The following CENPF variants were observed in gnomAD, a reference collection of about 807,000 sequenced individuals.
CENPF encodes AH antigen.
A neutral mutation model predicts 307.3 loss-of-function variants in CENPF; 214 were observed. The ratio of observed to expected loss-of-function variants is 0.70; its 90% CI spans 0.62 to 0.78. CENPF has a LOEUF of 0.78. Ranked by LOEUF, CENPF falls within the 30% of genes least tolerant of loss-of-function variation. The pLI is 0.00. For missense variants in CENPF, 3,401 were observed against 3,483.9 expected (o/e 0.98, Z 0.60); for synonymous variants, 1,259 against 1,270.6 (o/e 0.99, Z 0.19).
At chr1:214,607,956 C>T (rs957174952) in intron 1 of CENPF, among the ~76,000 whole-genome samples, 3 of 152,162 alleles carry the variant, frequency 2.0e-5, no homozygotes, top group Non-Finnish European at 2.9e-5. Flanking sequence ...CTGCCTCGGC[C>T]GATGGGGCCC....
At chr1:214,618,264 A>ATAT (rs1657412230) in intron 3 of CENPF, among the ~76,000 whole-genome samples, 1 of 152,184 alleles carries the variant, frequency 6.6e-6, no homozygotes, top group Non-Finnish European at 1.5e-5. Context: ...GGGTGGGAAC[A>ATAT]CAGCCAAACC....
chr1:214,644,739 G>A lies in CENPF; in HGVS notation c.5169G>A (p.Gly1723=), dbSNP rs760488025. Residue 1723 remains glycine (G), a synonymous_variant, in exon 13 of 20, where the codon GGG becomes GGA. Coordinates refer to ENST00000366955, the MANE Select transcript of CENPF (RefSeq NM_016343.4). ...GAVKPTGECS[G]EQSPDTNYEP... The stretch of plus-strand genomic sequence containing the variant: ...TGAAACCCACAGGAGAGTGCTCTGG[G>A]GAACAGTCCCCAGATACCAATTATG... 4 of 1,613,778 alleles carry A rather than the reference G, an allele frequency of 2.5e-6. No homozygotes were observed. The African/African-American group carries it at 4.0e-5, about 16-fold the overall frequency.
chr1:214,607,000 T>A (rs1314616267), intron 1 of CENPF, among the ~76,000 whole-genome samples: 1 of 152,024 alleles, frequency 6.6e-6, no homozygotes, highest in African/African-American at 2.4e-5. Flanking sequence ...AGCAGGGCTG[T>A]CCCCCTCCCT....
intron 12 of CENPF, 82 bp downstream of exon 12, chr1:214,643,406 A>G: frequency 8.4e-7 from 1 of 1,183,594 alleles, no homozygotes; most frequent in Non-Finnish European, 1.1e-6. Context: ...ATTGAAATGT[A>G]CATTAAACCT....
At chr1:214,622,044 A>G (rs765310733) in intron 6 of CENPF, 35 bp from the exon 7 acceptor site, 13 of 1,507,054 alleles carry the variant, frequency 8.6e-6, no homozygotes, top group East Asian at 2.3e-5. Context: ...AAAGATATAT[A>G]TGAATTGGAG....
Position 214,619,984 on chromosome 1 carries a change from C to T in CENPF, c.574-671C>T, listed in dbSNP as rs1657461372. Among the ~76,000 whole-genome samples the T allele has an allele frequency of 2.0e-5, 3 of 152,050 alleles. No homozygotes were observed. The South Asian group carries it at 6.2e-4, about 32-fold the overall frequency. ...ATCAATTCTTCTCTTGACATTGATT[C>T]CTAGAGATGTTTTATGGAAAATTTG... On this transcript the variant is annotated intron_variant, in intron 5 of 19. Coordinates refer to ENST00000366955, the MANE Select transcript of CENPF (RefSeq NM_016343.4).
At chr1:214,639,072 C>G (rs1658036265) in intron 11 of CENPF, among the ~76,000 whole-genome samples, 1 of 152,196 alleles carries the variant, frequency 6.6e-6, no homozygotes, top group South Asian at 2.1e-4. Flanking sequence ...GTACTGCTTT[C>G]CACTTGATAT....
At chr1:214,610,397 G>A (rs948926195) in intron 1 of CENPF, among the ~76,000 whole-genome samples, 1 of 150,430 alleles carries the variant, frequency 6.6e-6, no homozygotes, top group African/African-American at 2.4e-5. Context: ...GGTGTGAGAT[G>A]GTATTTCATT....
intron 5 of CENPF, 80 bp downstream of exon 5, chr1:214,619,300 A>G: frequency 4.0e-6 from 3 of 753,830 alleles, no homozygotes; most frequent in Non-Finnish European, 6.5e-6. Flanking sequence ...TTAGAGAAAA[A>G]TCTGTTTTAC....
chr1:214,609,107 G>A (rs1657128141), intron 1 of CENPF, among the ~76,000 whole-genome samples: 1 of 151,714 alleles, frequency 6.6e-6, no homozygotes, highest in South Asian at 2.1e-4. Context: ...TGGGCCCCAG[G>A]GCCGCACTCC....
intron 12 of CENPF, among the ~76,000 whole-genome samples, chr1:214,644,042 T>G (rs1344928863): frequency 6.6e-6 from 1 of 152,200 alleles, no homozygotes; most frequent in African/African-American, 2.4e-5. Flanking sequence ...ATCCCCAGTT[T>G]ACAGATGAGA....
chr1:214,613,589 T>C (rs1259403841), intron 1 of CENPF, 125 bp from the exon 2 acceptor site: 79 of 630,410 alleles, frequency 1.3e-4, no homozygotes. Flanking sequence ...GGTATTATAC[T>C]TTGTTATCTT....
At chr1:214,623,698 C>A (rs2102541527) in intron 7 of CENPF, among the ~76,000 whole-genome samples, 1 of 152,094 alleles carries the variant, frequency 6.6e-6, no homozygotes, top group East Asian at 1.9e-4. Context: ...AGGCACTGTT[C>A]CAGACCTGGG....
At chr1:214,632,727 C>A in intron 10 of CENPF, 125 bp downstream of exon 10, 1 of 1,115,172 alleles carries the variant, frequency 9.0e-7, no homozygotes, top group Non-Finnish European at 1.3e-6. Context: ...TTCTATTCAC[C>A]AGAAGTAAGT....
At chr1:214,606,324 C>T (rs1440968984) in intron 1 of CENPF, among the ~76,000 whole-genome samples, 3 of 152,146 alleles carry the variant, frequency 2.0e-5, no homozygotes, top group Non-Finnish European at 4.4e-5. Flanking sequence ...CGTTTCCTAG[C>T]TAGGATCTGT....
chr1:214,648,176 A>AAGAGATGGCAGTCAGTAT (rs1227246383), intron 13 of CENPF, among the ~76,000 whole-genome samples: 1 of 152,182 alleles, frequency 6.6e-6, no homozygotes, highest in African/African-American at 2.4e-5. Flanking sequence ...GATACCTTGC[A>AAGAGATGGCAGTCAGTAT]AGAGATGGCA....
At chr1:214,638,854 T>A (rs1199412174) in intron 11 of CENPF, among the ~76,000 whole-genome samples, 3 of 152,188 alleles carry the variant, frequency 2.0e-5, no homozygotes, top group Non-Finnish European at 1.5e-5. Flanking sequence ...AGCTTTTAGT[T>A]TTTCCACAGC....
chr1:214,608,689 G>A, intron 1 of CENPF: 1 of 1,595,304 alleles, frequency 6.3e-7, no homozygotes, highest in South Asian at 1.1e-5. Context: ...CCCCAAGGGG[G>A]CGGCCCCGGC....
intron 11 of CENPF, 77 bp downstream of exon 11, chr1:214,638,078 T>G: frequency 7.2e-7 from 1 of 1,385,200 alleles, no homozygotes; most frequent in Non-Finnish European, 9.7e-7. Context: ...CATTAACATA[T>G]TAGAGAAACT....
Sources: allele counts gnomAD v4.1 joint callset (sites outside exome capture counted in the v4.1 genomes callset), GRCh38; gene constraint gnomAD v4.1.1; transcripts MANE v1.5; gene names NCBI Gene and HGNC (gene_info 2026-07-23, HGNC 2026-07-21).